ABCC6: variants seen among roughly 807,000 people sequenced by gnomAD.
ABCC6 encodes the protein ATP binding cassette subfamily C member 6.
In ABCC6, 126 loss-of-function variants were observed where a neutral mutation model predicts 169.5. That is an observed-to-expected ratio of 0.74 (90% CI 0.64 to 0.86). The LOEUF is 0.86. Ranked by LOEUF, ABCC6 falls within the 40% of genes least tolerant of loss-of-function variation. ABCC6 has a pLI of 0.00. For missense variants in ABCC6, 1,733 were observed against 1,927.2 expected (o/e 0.90, Z 1.89); for synonymous variants, 752 against 814.7 (o/e 0.92, Z 1.31).
intron 15 of ABCC6, chr16:16,184,147 C>T (rs574498331): frequency 4.8e-4 from 90 of 187,688 alleles, no homozygotes; most frequent in Non-Finnish European, 7.3e-4. Flanking sequence ...TGCAGTGAGC[C>T]GAGATCATGC....
chr16:16,154,644 G>C lies in ABCC6; in HGVS notation c.4192C>G (p.Arg1398Gly), dbSNP rs66913554. Residue 1398 changes from arginine (R) to glycine (G), a missense_variant, in exon 29 of 31, where the codon CGA (arginine) becomes GGA (glycine). Arg to Gly is a moderately radical substitution (Grantham distance 125). This residue lies in a region of ABCC6 where 1,601 missense variants were observed against 1,635.5 expected (regional missense o/e 0.98). Transcript: ENST00000205557. Reference protein sequence around the residue: ...PGQLQYKCADRGEDLSVGQKQ... With the variant: ...PGQLQYKCADGGEDLSVGQKQ... The stretch of plus-strand genomic sequence containing the variant: ...CGACCATACCTCAGGTCCTCGCCTC[G>C]GTCAGCACACTTGTACTGCAGCTGG... 6.2e-7 allele frequency: 1 copy of C among 1,612,234 alleles called. No individual in the cohort carries two copies. The highest frequency in any genetic ancestry group is 1.3e-5 in the African/African-American group (1 of 74,838).
chr16:16,152,728 T>G (rs1037829065), intron 29 of ABCC6, among the ~76,000 whole-genome samples: 89 of 3,202 alleles, frequency 0.028, no homozygotes, highest in Non-Finnish European at 0.04. Context: ...GGGGCGGGGG[T>G]GGGGGTGTGG....
chr16:16,220,712 A>G (rs937693942), intron 2 of ABCC6, among the ~76,000 whole-genome samples: 12 of 152,252 alleles, frequency 7.9e-5, no homozygotes, highest in African/African-American at 2.6e-4. Context: ...CCTGGCCAAC[A>G]TGGCGAAACC....
At chr16:16,175,855 C>T (rs1246863142) in intron 20 of ABCC6, 56 bp downstream of exon 20, 2 of 1,600,604 alleles carry the variant, frequency 1.2e-6, no homozygotes, top group African/African-American at 2.7e-5. Context: ...GTGGTCCCTT[C>T]AGCTACTTCA....
chr16:16,211,208 C>A (rs1486864548), intron 6 of ABCC6, among the ~76,000 whole-genome samples: 1 of 152,002 alleles, frequency 6.6e-6, no homozygotes, highest in Admixed American at 6.6e-5. Flanking sequence ...TTCAGATCAG[C>A]CTGACCAACA....
At chr16:16,221,477 G>A (rs1888534566) in intron 2 of ABCC6, 172 bp downstream of exon 2, 9 of 1,457,600 alleles carry the variant, frequency 6.2e-6, no homozygotes, top group Middle Eastern at 2.4e-4. Context: ...TGGGAGAACC[G>A]TGTTCCACTG....
rs564046941 is a variant in ABCC6 at position 16,203,938 on chromosome 16, A to G, written c.795-325T>C. On this transcript the variant is annotated intron_variant, in intron 7 of 30. Transcript: ENST00000205557. ...GCCAGGTGTTGTTCCCATTTCACAGATGAGAAAACTGGGGCTCAGAGAAGC... is the reference window on the plus strand; with the variant it reads ...GCCAGGTGTTGTTCCCATTTCACAGGTGAGAAAACTGGGGCTCAGAGAAGC... 2.6e-3 allele frequency among the ~76,000 whole-genome samples: 389 copies of G among 152,270 alleles called. 1 individual carries two copies. The highest frequency in any genetic ancestry group is 8.2e-3 in the Admixed American group (126 of 15,302).
Position 16,203,544 on chromosome 16 carries a change from G to T in ABCC6, c.864C>A (p.Phe288Leu). Residue 288 changes from phenylalanine (F) to leucine (L), a missense_variant, in exon 8 of 31, where the codon TTC (phenylalanine) becomes TTA (leucine). Physicochemically the swap from Phe to Leu is conservative, Grantham distance 22. Transcript: ENST00000205557. ...SGMKAPETEP[F>L]LRQEGSQWRP... ...GCCACTGGCTCCCTTCTTGCCGTAG[G>T]AAGGGCTCGGTCTCTGGAGCCTTCA... is the stretch of plus-strand genomic sequence containing the variant. 2 of 1,614,026 alleles carry T rather than the reference G, an allele frequency of 1.2e-6. No homozygotes were observed. Among genetic ancestry groups the T allele is most frequent in the Non-Finnish European group, 1.7e-6 (2 of 1,179,876 alleles).
At chr16:16,194,397 G>T (rs11643423) in intron 10 of ABCC6, among the ~76,000 whole-genome samples, 52,316 of 152,118 alleles carry the variant, frequency 0.34, 10,622 homozygotes, top group Non-Finnish European at 0.47. Flanking sequence ...AAATTCTTCC[G>T]TTTGTCTGAA....
rs3896244 is a variant in ABCC6, at chr16:16,157,578, G to A, written c.3882+85C>T. The A allele has an allele frequency of 1, 1,558,379 of 1,565,686 alleles. 775,841 individuals carry two copies. Among genetic ancestry groups the A allele is most frequent in the East Asian group, 1 (44,226 of 44,226 alleles). Reference sequence around the variant, plus strand: ...CCTGAGGTGGGGACACTGTGGAGGTGGCTGGTGCCCAGGGTTTAGGGCCTT... The same window carrying A: ...CCTGAGGTGGGGACACTGTGGAGGTAGCTGGTGCCCAGGGTTTAGGGCCTT... On this transcript the variant is annotated intron_variant, in intron 27 of 30. Transcript: ENST00000205557.
intron 25 of ABCC6, among the ~76,000 whole-genome samples, chr16:16,160,699 G>A (rs902973337): frequency 6.7e-6 from 1 of 148,956 alleles, no homozygotes; most frequent in Non-Finnish European, 1.5e-5. Flanking sequence ...CCAGCTAATT[G>A]GGAAAGTGAG....
chr16:16,199,912 AC>A (rs1281973945), intron 9 of ABCC6, among the ~76,000 whole-genome samples: 1 of 151,474 alleles, frequency 6.6e-6, no homozygotes, highest in Non-Finnish European at 1.5e-5. Context: ...TAGTAAAAAT[AC>A]AAAAATTAAC....
At chr16:16,171,956 G>A (rs1171087056) in intron 21 of ABCC6, among the ~76,000 whole-genome samples, 1 of 101,780 alleles carries the variant, frequency 9.8e-6, no homozygotes, top group Non-Finnish European at 2.0e-5. Context: ...GGATAAATGA[G>A]TGGTTGGGTG....
At chr16:16,180,932 A>G (rs892668164) in intron 17 of ABCC6, among the ~76,000 whole-genome samples, 1 of 152,230 alleles carries the variant, frequency 6.6e-6, no homozygotes, top group African/African-American at 2.4e-5. Context: ...ATTCTCATGA[A>G]GGGGACAGAG....
At chr16:16,175,320 G>A (rs917872448) in intron 20 of ABCC6, among the ~76,000 whole-genome samples, 1 of 152,162 alleles carries the variant, frequency 6.6e-6, no homozygotes, top group Admixed American at 6.5e-5. Context: ...TCTGGTATCA[G>A]TGGCCTGTTG....
rs115546382 is a variant in ABCC6 at position 16,182,520 on chromosome 16, G to A, written c.2139C>T (p.Phe713=). 60 of 1,614,178 alleles carry A rather than the reference G, an allele frequency of 3.7e-5. No individual in the cohort carries two copies. In the East Asian group the frequency reaches 1.1e-3, roughly 29 times the overall value. Residue 713 remains phenylalanine, a synonymous_variant, in exon 17 of 31, where the codon TTC becomes TTT. Transcript: ENST00000205557. ...GCCAGGGTGGGTCCAGCTCCTGCCC[G>A]AAGCACACATTCTCTACCACAGAGG... ...QNTSVVENVC[F]GQELDPPWLE...
At chr16:16,185,295 C>G (rs2047616906) in intron 14 of ABCC6, among the ~76,000 whole-genome samples, 1 of 152,196 alleles carries the variant, frequency 6.6e-6, no homozygotes, top group African/African-American at 2.4e-5. Context: ...GCTGCCTTTT[C>G]TTATAAATAA....
chr16:16,168,653 C>T (rs977244019), intron 22 of ABCC6, among the ~76,000 whole-genome samples: 5 of 152,104 alleles, frequency 3.3e-5, no homozygotes, highest in African/African-American at 4.8e-5. Context: ...ACGAGAGCGC[C>T]TCGTGGTGAG....
chr16:16,172,514 CAGTG>C (rs1470245588), intron 21 of ABCC6, among the ~76,000 whole-genome samples: 2 of 47,008 alleles, frequency 4.3e-5, no homozygotes, highest in South Asian at 7.8e-4. Flanking sequence ...ATGGATAAAT[CAGTG>C]GGTAGGTGAA....
Sources: allele counts gnomAD v4.1 joint callset (sites outside exome capture counted in the v4.1 genomes callset), GRCh38; gene constraint gnomAD v4.1.1; regional missense constraint gnomAD v4.1.1; transcripts MANE v1.5; gene names NCBI Gene and HGNC (gene_info 2026-07-23, HGNC 2026-07-21).